The following UNC79 variants were observed in gnomAD, a reference collection of about 807,000 sequenced individuals.
UNC79 encodes the protein protein unc-79 homolog.
A neutral mutation model predicts 283.1 loss-of-function variants in UNC79; 37 were observed. The ratio of observed to expected loss-of-function variants is 0.13; its 90% CI spans 0.10 to 0.17. The LOEUF is 0.17. Ranked by LOEUF, UNC79 falls within the 10% of genes least tolerant of loss-of-function variation. The pLI, the probability that UNC79 is intolerant of heterozygous loss-of-function variation, is 1.00. For synonymous variants in UNC79, 1,107 were observed against 1,200.2 expected (o/e 0.92, Z 1.61); for missense variants, 2,272 against 3,211.1 (o/e 0.71, Z 7.07).
chr14:93,696,491 A>G (rs565289303), intron 47 of UNC79, among the ~76,000 whole-genome samples: 24 of 152,282 alleles, frequency 1.6e-4, no homozygotes, highest in African/African-American at 4.3e-4. Context: ...GGCATAGTCA[A>G]TCTTTAATAT....
intron 32 of UNC79, 145 bp downstream of exon 35, chr14:93,637,444 G>A (rs2068605454): frequency 7.2e-6 from 10 of 1,389,156 alleles, no homozygotes; most frequent in Middle Eastern, 2.4e-4. Flanking sequence ...CAGTGGCTGA[G>A]AGTGCGTGAC....
intron 37 of UNC79, among the ~76,000 whole-genome samples, chr14:93,654,666 G>A (rs28522433): frequency 0.031 from 4,660 of 151,534 alleles, 108 homozygotes; most frequent in Non-Finnish European, 0.043. Context: ...ATAGAATAGT[G>A]TCAGTTGGAC....
At chr14:93,585,642 G>A (rs1056533309) in intron 20 of UNC79, among the ~76,000 whole-genome samples, 2 of 152,098 alleles carry the variant, frequency 1.3e-5, no homozygotes, top group African/African-American at 4.8e-5. Context: ...AACACATTCT[G>A]CACTAGTTTC....
chr14:93,446,960 A>G (rs1230500994), intron 1 of UNC79, among the ~76,000 whole-genome samples: 2 of 152,130 alleles, frequency 1.3e-5, no homozygotes, highest in Admixed American at 6.5e-5. Flanking sequence ...AATTTTTCTA[A>G]TAGTTGCTGT....
rs192468513 is a variant in UNC79, at chr14:93,682,353, T to A, written c.6742-264T>A. ...CACAATAAATCTGACAATGCTGACA[T>A]CTTTTATTTTTTCTTTGATTGAATG... On this transcript the variant is annotated intron_variant, in intron 41 of 48. Coordinates refer to ENST00000555664, the Ensembl canonical transcript of UNC79. Among the ~76,000 whole-genome samples, 141 of 152,242 alleles carry A rather than the reference T, an allele frequency of 9.3e-4. 1 individual carries two copies. Among genetic ancestry groups the A allele is most frequent in the African/African-American group, 3.1e-3 (130 of 41,548 alleles).
intron 1 of UNC79, among the ~76,000 whole-genome samples, chr14:93,383,891 A>G (rs2054714751): frequency 1.0e-5 from 1 of 98,836 alleles, no homozygotes; most frequent in African/African-American, 4.3e-5. Context: ...GGTTTCAAAA[A>G]ACATGAGTTT....
chr14:93,706,704 C>T (rs778270777), exon 49 of UNC79: 4 of 1,613,970 alleles, frequency 2.5e-6, no homozygotes. Context: ...TTTTCGACAG[C>T]ACTTATCTGC....
intron 39 of UNC79, 44 bp from the exon 43 acceptor site, chr14:93,662,560 A>T (rs769953032): frequency 7.8e-7 from 1 of 1,283,890 alleles, no homozygotes; most frequent in Non-Finnish European, 1.1e-6. Context: ...TTTTGAAATG[A>T]AGTAATCAGC....
Position 93,688,741 on chromosome 14 carries a change from T to C in UNC79, c.6986T>C (p.Ile2329Thr). 1 of 1,614,030 alleles carries C rather than the reference T, an allele frequency of 6.2e-7. No homozygotes were observed. Among genetic ancestry groups the C allele is most frequent in the Non-Finnish European group, 8.5e-7 (1 of 1,179,988 alleles). ...CATCTCAAAGTGGGGCTGGCCCAGA[T>C]TGCAGCCATGGACATCTCACGGGGC... Residue 2329 changes from isoleucine (I) to threonine (T), a missense_variant, in exon 44 of 49, where the codon ATT (isoleucine) becomes ACT (threonine). Physicochemically the swap from Ile to Thr is moderately conservative, Grantham distance 89. Coordinates refer to ENST00000555664, the Ensembl canonical transcript of UNC79. This position sits in a 1 kb window ranked among gnomAD's most constrained non-coding sequence, Gnocchi z 4.0.
intron 13 of UNC79, 75 bp downstream of exon 13, chr14:93,540,906 T>G: frequency 6.3e-7 from 1 of 1,588,808 alleles, no homozygotes; most frequent in Non-Finnish European, 8.6e-7. Context: ...GAATTTCTCC[T>G]GTTCTTTTAA....
At chr14:93,415,987 A>AT (rs2140059190) in intron 1 of UNC79, among the ~76,000 whole-genome samples, 1 of 152,146 alleles carries the variant, frequency 6.6e-6, no homozygotes, top group Non-Finnish European at 1.5e-5. Context: ...GGACTCATTA[A>AT]TTTTTTGGAG....
intron 3 of UNC79, among the ~76,000 whole-genome samples, chr14:93,477,293 G>A (rs901208280): frequency 1.3e-5 from 2 of 152,174 alleles, no homozygotes; most frequent in Admixed American, 6.6e-5. Flanking sequence ...CAAATACCAA[G>A]TATTATTGAA....
At chr14:93,689,975 A>T (rs11623485) in intron 44 of UNC79, 142 bp from the exon 48 acceptor site, 27,384 of 794,898 alleles carry the variant, frequency 0.034, 612 homozygotes, top group South Asian at 0.065. Context: ...CATTTTGTTG[A>T]CACTCAATTG....
chr14:93,344,432 A>G (rs964805945), intron 1 of UNC79, among the ~76,000 whole-genome samples: 2 of 152,228 alleles, frequency 1.3e-5, no homozygotes, highest in African/African-American at 4.8e-5. Context: ...TAACTTCAGA[A>G]TAGGGAGAAT....
chr14:93,699,916 C>G (rs2075404783), intron 47 of UNC79, among the ~76,000 whole-genome samples: 1 of 152,126 alleles, frequency 6.6e-6, no homozygotes, highest in Non-Finnish European at 1.5e-5. Context: ...CATCTTTCAT[C>G]TTTCCTTCTG....
chr14:93,597,841 A>G (rs2142000898), intron 24 of UNC79, among the ~76,000 whole-genome samples: 1 of 152,154 alleles, frequency 6.6e-6, no homozygotes, highest in Admixed American at 6.5e-5. Flanking sequence ...ATACTATCAT[A>G]TTGGTGATTT....
At chr14:93,340,601 CA>C (rs2053687415) in intron 1 of UNC79, among the ~76,000 whole-genome samples, 1 of 145,966 alleles carries the variant, frequency 6.9e-6, no homozygotes, top group Admixed American at 6.8e-5. Flanking sequence ...GACAGGGTAT[CA>C]CTCTGTTTCC....
chr14:93,335,324 A>C (rs2053554353), intron 1 of UNC79, among the ~76,000 whole-genome samples: 1 of 152,250 alleles, frequency 6.6e-6, no homozygotes, highest in Admixed American at 6.5e-5. Flanking sequence ...TTACACACTC[A>C]TCAGAATTTA....
chr14:93,380,879 A>T (rs2054652233), intron 1 of UNC79, among the ~76,000 whole-genome samples: 1 of 152,222 alleles, frequency 6.6e-6, no homozygotes, highest in African/African-American at 2.4e-5. Context: ...ATAGCATACA[A>T]ATGTATGAAA....
Sources: gnomAD v4.1 joint callset for allele counts (sites outside exome capture counted in the v4.1 genomes callset) on GRCh38, gnomAD v4.1.1 for gene constraint, Gnocchi (gnomAD v3.1) non-coding constraint, MANE v1.5 for transcripts, NCBI Gene and HGNC (gene_info 2026-07-23, HGNC 2026-07-21) for gene names.